Variants in BABAM2 observed in about 807,000 individuals in gnomAD.
The protein encoded by BABAM2 is BRISC and BRCA1-A complex member 2.
In BABAM2, 31 loss-of-function variants were observed where a neutral mutation model predicts 54.7. The ratio of observed to expected loss-of-function variants is 0.57; its 90% CI spans 0.43 to 0.77. The LOEUF is 0.77. BABAM2 is among the 30% of genes least tolerant of loss of function. The pLI is 0.00. For missense variants in BABAM2, 364 were observed against 455.8 expected (o/e 0.80, Z 1.83); for synonymous variants, 167 against 162.9 (o/e 1.03, Z -0.19).
At position 28,033,317 on chromosome 2, in the gene BABAM2, C is replaced by T. The variant is rs115606481; in HGVS notation, c.495+7897C>T. ...ATCAGAAGAACCAGTGTGTCTTAGT[C>T]CATTTTCTGTTGCTTACAACAGAAT... is the stretch of plus-strand genomic sequence containing the variant. On this transcript the variant is annotated intron_variant, in intron 5 of 11. Coordinates refer to ENST00000379624, the MANE Select transcript of BABAM2 (RefSeq NM_199191.3). 6.3e-3 allele frequency among the ~76,000 whole-genome samples: 963 copies of T among 152,012 alleles called. 11 individuals are homozygous for T. Among genetic ancestry groups the T allele is most frequent in the Non-Finnish European group, 8.1e-3 (548 of 67,934 alleles).
intron 6 of BABAM2, among the ~76,000 whole-genome samples, chr2:28,123,208 T>C (rs1473967949): frequency 6.6e-6 from 1 of 152,174 alleles, no homozygotes; most frequent in Admixed American, 6.6e-5. Context: ...TCTCCCAGCC[T>C]GCCAGGAACT....
At chr2:28,219,453 C>G (rs138471626) in intron 7 of BABAM2, among the ~76,000 whole-genome samples, 228 of 152,298 alleles carry the variant, frequency 1.5e-3, no homozygotes, top group Non-Finnish European at 2.5e-3. Context: ...AGAGCCCAAC[C>G]AGATAATTCA....
intron 8 of BABAM2, among the ~76,000 whole-genome samples, chr2:28,240,036 G>T (rs749560826): frequency 6.6e-6 from 1 of 151,712 alleles, no homozygotes; most frequent in Non-Finnish European, 1.5e-5. Flanking sequence ...GAAATACAGA[G>T]AGTAAAGGAA....
chr2:28,240,744 C>T (rs1304638681), intron 8 of BABAM2, among the ~76,000 whole-genome samples: 2 of 151,808 alleles, frequency 1.3e-5, no homozygotes, highest in South Asian at 2.1e-4. Flanking sequence ...GTGGCGGACT[C>T]CTATAATCCC....
chr2:27,947,844 G>T (rs1669414901), intron 3 of BABAM2, among the ~76,000 whole-genome samples: 1 of 152,136 alleles, frequency 6.6e-6, no homozygotes, highest in Non-Finnish European at 1.5e-5. Context: ...CTGATGAAAA[G>T]AATGCTCTTT....
intron 7 of BABAM2, among the ~76,000 whole-genome samples, chr2:28,136,716 G>A (rs563687075): frequency 7.2e-5 from 11 of 152,180 alleles, no homozygotes; most frequent in African/African-American, 2.2e-4. Flanking sequence ...TCCTGTTGGC[G>A]TCTCCAGCCT....
chr2:27,903,094 C>A (rs985570805), intron 2 of BABAM2, among the ~76,000 whole-genome samples: 44 of 147,194 alleles, frequency 3.0e-4, no homozygotes, highest in Non-Finnish European at 4.6e-4. Flanking sequence ...GTCTCCCCCA[C>A]CCCCCCCACC....
At chr2:28,150,186 T>C (rs1671888085) in intron 7 of BABAM2, among the ~76,000 whole-genome samples, 1 of 152,146 alleles carries the variant, frequency 6.6e-6, no homozygotes, top group Admixed American at 6.5e-5. Context: ...ATTTTACAAG[T>C]GAAGACACTC....
intron 7 of BABAM2, among the ~76,000 whole-genome samples, chr2:28,137,744 G>A (rs1240806513): frequency 6.6e-6 from 1 of 152,118 alleles, no homozygotes; most frequent in Non-Finnish European, 1.5e-5. Flanking sequence ...TACACATTTA[G>A]AAAGAAGATG....
chr2:28,225,346 CGGTT>C (rs1243577584), intron 7 of BABAM2, among the ~76,000 whole-genome samples: 1 of 152,116 alleles, frequency 6.6e-6, no homozygotes, highest in Non-Finnish European at 1.5e-5. Context: ...AGACTGAACA[CGGTT>C]AACACCAGCC....
chr2:28,132,374 G>A (rs1011423385), intron 7 of BABAM2, among the ~76,000 whole-genome samples: 10 of 151,794 alleles, frequency 6.6e-5, no homozygotes, highest in African/African-American at 2.2e-4. Context: ...TCCTGACCTC[G>A]TGATCCACCC....
At chr2:28,173,702 G>A (rs1674610132) in intron 7 of BABAM2, among the ~76,000 whole-genome samples, 1 of 152,168 alleles carries the variant, frequency 6.6e-6, no homozygotes, top group Non-Finnish European at 1.5e-5. Context: ...TTTTAATTCA[G>A]CTTAGGTCTA....
At chr2:28,154,059 A>C (rs1477417448) in intron 7 of BABAM2, among the ~76,000 whole-genome samples, 1 of 152,204 alleles carries the variant, frequency 6.6e-6, no homozygotes, top group Non-Finnish European at 1.5e-5. Context: ...CTTTGGAGTT[A>C]CACAAGGACA....
intron 3 of BABAM2, among the ~76,000 whole-genome samples, chr2:27,979,881 T>C (rs1163626268): frequency 3.3e-5 from 5 of 152,194 alleles, no homozygotes; most frequent in South Asian, 4.1e-4. Flanking sequence ...GTAGGAGATA[T>C]GGTCCACTCT....
At chr2:28,321,075 A>T (rs1689986030) in intron 11 of BABAM2, among the ~76,000 whole-genome samples, 1 of 152,148 alleles carries the variant, frequency 6.6e-6, no homozygotes, top group African/African-American at 2.4e-5. Context: ...TGTCAATAAG[A>T]GCTGTTCAAT....
intron 5 of BABAM2, among the ~76,000 whole-genome samples, chr2:28,032,055 T>G (rs1417441046): frequency 6.6e-6 from 1 of 152,228 alleles, no homozygotes; most frequent in Non-Finnish European, 1.5e-5. Flanking sequence ...TTCTTCCTGA[T>G]CTGAATGGAA....
chr2:28,016,045 T>G, intron 4 of BABAM2: 1 of 688,334 alleles, frequency 1.5e-6, no homozygotes, highest in East Asian at 3.6e-5. Flanking sequence ...TGATTCAGTT[T>G]CTGACATGGA....
intron 2 of BABAM2, among the ~76,000 whole-genome samples, chr2:27,912,858 A>G (rs182503546): frequency 1.3e-5 from 2 of 152,344 alleles, no homozygotes; most frequent in African/African-American, 4.8e-5. Context: ...TAACCTGATG[A>G]TAAATTTTGG....
chr2:28,169,588 G>A (rs184655859), intron 7 of BABAM2, among the ~76,000 whole-genome samples: 51 of 152,120 alleles, frequency 3.4e-4, no homozygotes, highest in African/African-American at 1.2e-3. Flanking sequence ...ACCAGCCTGG[G>A]CAACATAACA....
Sources: gnomAD v4.1 joint callset for allele counts (sites outside exome capture counted in the v4.1 genomes callset) on GRCh38, gnomAD v4.1.1 for gene constraint, MANE v1.5 for transcripts, NCBI Gene and HGNC (gene_info 2026-07-23, HGNC 2026-07-21) for gene names.